Variants in ARAP2 observed in about 807,000 individuals in gnomAD.
The protein encoded by ARAP2 is ArfGAP with RhoGAP domain, ankyrin repeat and PH domain 2.
A neutral mutation model predicts 194.5 loss-of-function variants in ARAP2; 148 were observed. The ratio of observed to expected loss-of-function variants is 0.76; its 90% CI spans 0.67 to 0.87. The LOEUF (loss-of-function observed/expected upper bound fraction) is 0.87. ARAP2 is among the 40% of genes least tolerant of loss of function. The probability of loss-of-function intolerance (pLI) is 0.00; values close to 1 mark genes in which losing one functional copy is unlikely to be tolerated. For missense variants in ARAP2, 2,128 were observed against 1,989.7 expected, an observed-to-expected ratio of 1.07 and a Z score of -1.32; for synonymous variants, 695 against 683.5, an observed-to-expected ratio of 1.02 and a Z score of -0.26.
chr4:36,035,060 T>C (rs1401648584), intron 5 of ARAP2, among the ~76,000 whole-genome samples: 1 of 152,106 alleles, frequency 6.6e-6, no homozygotes, highest in Non-Finnish European at 1.5e-5. Flanking sequence ...TGGTGTTGTG[T>C]CTCTGCCAGG....
In ARAP2 at chr4:36,187,867, C is replaced by G. The variant is rs562708810; in HGVS notation, c.1558-296G>C. ...AACTAGCAATACAGAGTTCCAAAAA[C>G]CAGCAGCATGTTCTTTAAAACAATC... On this transcript the variant is annotated intron_variant, in intron 7 of 32. Transcript: ENST00000303965. Among the ~76,000 whole-genome samples, 3 of 152,306 alleles carry G rather than the reference C, an allele frequency of 2.0e-5. No individual in the cohort carries two copies. In the East Asian group the frequency reaches 5.8e-4, roughly 29 times the overall value.
At position 36,090,333 on chromosome 4, in the gene ARAP2, T is replaced by G. The variant is rs570851249; in HGVS notation, c.4425+1548A>C. On this transcript the variant is annotated intron_variant, in intron 28 of 32. Coordinates refer to ENST00000303965, the MANE Select transcript of ARAP2 (RefSeq NM_015230.4). Reference sequence around the variant, plus strand: ...AGCTGAATTCTACCACATGTACAAATAAGATCTGGTACCATTCCTACTGAA... The same window carrying G: ...AGCTGAATTCTACCACATGTACAAAGAAGATCTGGTACCATTCCTACTGAA... Among the ~76,000 whole-genome samples, 9 of 152,062 alleles carry G rather than the reference T, an allele frequency of 5.9e-5. No homozygotes were observed. The East Asian group carries it at 1.5e-3, about 26-fold the overall frequency.
intron 25 of ARAP2, among the ~76,000 whole-genome samples, chr4:36,115,667 A>G (rs1385644960): frequency 6.6e-6 from 1 of 151,982 alleles, no homozygotes; most frequent in Non-Finnish European, 1.5e-5. Flanking sequence ...TGGCCTTAGT[A>G]TTCTTACTTC....
chr4:36,064,049 G>T (rs1168523017), downstream of ARAP2, among the ~76,000 whole-genome samples: 1 of 152,044 alleles, frequency 6.6e-6, no homozygotes. Flanking sequence ...GTTTGATTTT[G>T]AGTTCTCAGT....
At chr4:36,016,074 T>TC (rs1183698792) in intron 6 of ARAP2, 2 of 152,126 alleles carry the variant, frequency 1.3e-5, no homozygotes, top group Non-Finnish European at 2.9e-5. Flanking sequence ...GATACACACA[T>TC]TAGAGTACAT....
chr4:36,034,150 A>T (rs1327615098), intron 5 of ARAP2, among the ~76,000 whole-genome samples: 1 of 152,116 alleles, frequency 6.6e-6, no homozygotes, highest in Non-Finnish European at 1.5e-5. Context: ...GTTCCACACA[A>T]ATTTTAAAAT....
intron 21 of ARAP2, among the ~76,000 whole-genome samples, chr4:36,128,141 A>G (rs1176805662): frequency 1.3e-5 from 2 of 152,008 alleles, no homozygotes; most frequent in Non-Finnish European, 2.9e-5. Context: ...AAGAAACACA[A>G]AAGAGTCATG....
At chr4:36,186,213 G>T (rs1351457567) in intron 8 of ARAP2, among the ~76,000 whole-genome samples, 1 of 152,006 alleles carries the variant, frequency 6.6e-6, no homozygotes. Flanking sequence ...TAATGCGATG[G>T]TATTATCTAA....
chr4:36,056,567 G>A (rs1158300402), intron 2 of ARAP2, among the ~76,000 whole-genome samples: 1 of 152,108 alleles, frequency 6.6e-6, no homozygotes, highest in Non-Finnish European at 1.5e-5. Context: ...GTGTCTCTGA[G>A]AACCAGAACA....
At chr4:36,139,942 C>T (rs888693328) in intron 19 of ARAP2, among the ~76,000 whole-genome samples, 1 of 151,398 alleles carries the variant, frequency 6.6e-6, no homozygotes, top group Non-Finnish European at 1.5e-5. Context: ...TCACATGTGT[C>T]CTCCTCAAGC....
At chr4:36,201,032 T>C (rs2109227093) in intron 6 of ARAP2, among the ~76,000 whole-genome samples, 1 of 152,336 alleles carries the variant, frequency 6.6e-6, no homozygotes, top group South Asian at 2.1e-4. Context: ...AAAATAGATT[T>C]AAAGTTGCAA....
intron 8 of ARAP2, among the ~76,000 whole-genome samples, chr4:36,185,489 C>T (rs898307803): frequency 1.3e-5 from 2 of 151,956 alleles, no homozygotes; most frequent in South Asian, 2.1e-4. Context: ...CTGGAATGTA[C>T]CCATTTATTG....
At chr4:36,138,168 G>C (rs1727301037) in intron 19 of ARAP2, among the ~76,000 whole-genome samples, 1 of 151,642 alleles carries the variant, frequency 6.6e-6, no homozygotes, top group Non-Finnish European at 1.5e-5. Context: ...AAGCTTTTGG[G>C]TTTGTTTTCT....
At chr4:36,112,397 C>T (rs954201418) in intron 26 of ARAP2, among the ~76,000 whole-genome samples, 1 of 151,856 alleles carries the variant, frequency 6.6e-6, no homozygotes, top group Non-Finnish European at 1.5e-5. Flanking sequence ...AGACATTTCA[C>T]TTAGACTGTG....
intron 27 of ARAP2, among the ~76,000 whole-genome samples, chr4:36,092,305 CTT>C (rs1356991303): frequency 6.6e-6 from 1 of 152,092 alleles, no homozygotes; most frequent in Non-Finnish European, 1.5e-5. Flanking sequence ...ATTTTAAAGA[CTT>C]TATATGAAAA....
chr4:36,089,334 TGAATA>T (rs1712884992), intron 28 of ARAP2, among the ~76,000 whole-genome samples: 1 of 152,154 alleles, frequency 6.6e-6, no homozygotes. Context: ...TTCCATTATA[TGAATA>T]GAATATTTTC....
chr4:36,126,844 T>C (rs1244481299), intron 21 of ARAP2, among the ~76,000 whole-genome samples: 1 of 152,032 alleles, frequency 6.6e-6, no homozygotes, highest in East Asian at 1.9e-4. Context: ...GCTGTTGTTG[T>C]TGTTGTTTAA....
At chr4:36,049,519 A>G (rs981467320) in intron 3 of ARAP2, among the ~76,000 whole-genome samples, 1 of 152,190 alleles carries the variant, frequency 6.6e-6, no homozygotes, top group African/African-American at 2.4e-5. Context: ...ATGACTAATT[A>G]TTACAGACTT....
chr4:36,054,087 C>T (rs564371963), intron 2 of ARAP2, among the ~76,000 whole-genome samples: 4 of 152,288 alleles, frequency 2.6e-5, no homozygotes, highest in East Asian at 1.9e-4. Context: ...ATTAGGCATG[C>T]CTTTCACACC....
Sources: gnomAD v4.1 joint callset for allele counts (sites outside exome capture counted in the v4.1 genomes callset) on GRCh38, gnomAD v4.1.1 for gene constraint, MANE v1.5 for transcripts, NCBI Gene and HGNC (gene_info 2026-07-23, HGNC 2026-07-21) for gene names.